The following ARID2 variants were observed in gnomAD, a reference collection of about 807,000 sequenced individuals.
ARID2 encodes AT-rich interaction domain 2, also known as AT-rich interactive domain-containing protein 2.
ARID2 carries 32 observed loss-of-function variants against 184.6 expected under a neutral mutation model. That is an observed-to-expected ratio of 0.17 (90% CI 0.13 to 0.23). The LOEUF is 0.23. ARID2 is among the 10% of genes least tolerant of loss of function. ARID2 has a pLI of 1.00. For missense variants in ARID2, 1,696 were observed against 2,197.6 expected (o/e 0.77, Z 4.56); for synonymous variants, 836 against 772.6 (o/e 1.08, Z -1.36).
intron 3 of ARID2, among the ~76,000 whole-genome samples, chr12:45,761,696 A>G (rs1353380639): frequency 6.6e-6 from 1 of 151,812 alleles, no homozygotes; most frequent in Non-Finnish European, 1.5e-5. Context: ...ACATTTAGGT[A>G]TGGACTTTTT....
rs538598413 is a variant in ARID2 at position 45,859,423 on chromosome 12, C to A, written c.4774-1378C>A. Among the ~76,000 whole-genome samples the A allele has an allele frequency of 9.2e-5, 14 of 152,234 alleles. No homozygotes were observed. The East Asian group carries it at 2.3e-3, about 25-fold the overall frequency. ...CACAGAACAATGAAATGTTCTGTGA[C>A]CCATTTCTCAAACATATTCCTGTCA... On this transcript the variant is annotated intron_variant, in intron 15 of 20. Transcript: ENST00000334344.
intron 3 of ARID2, among the ~76,000 whole-genome samples, chr12:45,805,235 A>G (rs1357750895): frequency 1.3e-5 from 2 of 152,038 alleles, no homozygotes; most frequent in Non-Finnish European, 2.9e-5. Flanking sequence ...TTTTGAAAGT[A>G]ATGATCCTGA....
chr12:45,787,620 A>G (rs536676990), intron 3 of ARID2, among the ~76,000 whole-genome samples: 303 of 152,274 alleles, frequency 2.0e-3, no homozygotes, highest in Non-Finnish European at 3.2e-3. Context: ...TAGAAAATAT[A>G]TCACTGCTAT....
chr12:45,900,343 G>A (rs1490139912), intron 20 of ARID2, among the ~76,000 whole-genome samples: 1 of 152,140 alleles, frequency 6.6e-6, no homozygotes, highest in Non-Finnish European at 1.5e-5. Context: ...TTACAGGTGT[G>A]AGCCACCATA....
At chr12:45,756,235 C>G (rs189163370) in intron 3 of ARID2, among the ~76,000 whole-genome samples, 3 of 152,150 alleles carry the variant, frequency 2.0e-5, no homozygotes, top group African/African-American at 7.2e-5. Flanking sequence ...TTGGATATTC[C>G]TGGACACACA....
chr12:45,816,109 A>G (rs1044570831), intron 4 of ARID2, among the ~76,000 whole-genome samples: 4 of 152,188 alleles, frequency 2.6e-5, no homozygotes, highest in African/African-American at 9.6e-5. Flanking sequence ...GTTATTTCTA[A>G]AAATACAACA....
chr12:45,802,449 C>T (rs544016205), intron 3 of ARID2, among the ~76,000 whole-genome samples: 12 of 151,940 alleles, frequency 7.9e-5, no homozygotes, highest in African/African-American at 2.9e-4. Context: ...TAAAAAACAC[C>T]CTTTAAAAAA....
intron 3 of ARID2, among the ~76,000 whole-genome samples, chr12:45,802,473 G>A (rs559475755): frequency 1.3e-5 from 2 of 151,954 alleles, no homozygotes; most frequent in African/African-American, 2.4e-5. Context: ...TCCATATTGC[G>A]TGAATTTCTT....
chr12:45,811,030 A>C (rs940091467), intron 3 of ARID2, among the ~76,000 whole-genome samples: 1 of 152,146 alleles, frequency 6.6e-6, no homozygotes, highest in African/African-American at 2.4e-5. Context: ...TAACACGGTG[A>C]AACCCCGTCT....
intron 3 of ARID2, among the ~76,000 whole-genome samples, chr12:45,795,886 A>G (rs924157381): frequency 6.6e-6 from 1 of 151,772 alleles, no homozygotes; most frequent in African/African-American, 2.4e-5. Context: ...CTTTTCCTAT[A>G]TAACACTACT....
At chr12:45,783,770 G>T (rs142679506) in intron 3 of ARID2, among the ~76,000 whole-genome samples, 1 of 152,322 alleles carries the variant, frequency 6.6e-6, no homozygotes, top group African/African-American at 2.4e-5. Context: ...GTTAGTACCA[G>T]TCTGTTGAAA....
intron 3 of ARID2, among the ~76,000 whole-genome samples, chr12:45,740,516 C>T (rs1485006451): frequency 3.9e-5 from 6 of 151,940 alleles, no homozygotes; most frequent in Admixed American, 3.3e-4. Context: ...TTATCACTGT[C>T]GTTTATTCAT....
intron 5 of ARID2, 36 bp downstream of exon 5, chr12:45,817,924 T>C (rs1236671877): frequency 1.3e-6 from 2 of 1,523,768 alleles, no homozygotes; most frequent in Admixed American, 2.3e-5. Context: ...ATAATTCTTC[T>C]GTAAAAGTTT....
At chr12:45,739,261 G>T (rs1346568063) in intron 3 of ARID2, among the ~76,000 whole-genome samples, 1 of 152,046 alleles carries the variant, frequency 6.6e-6, no homozygotes, top group Non-Finnish European at 1.5e-5. Flanking sequence ...TTACAGGCGT[G>T]AGCCACTGCG....
chr12:45,836,527 A>G, intron 6 of ARID2, 62 bp from the exon 7 acceptor site: 10 of 1,481,590 alleles, frequency 6.7e-6, no homozygotes, highest in Non-Finnish European at 9.1e-6. Context: ...GTGTGTGACT[A>G]TTTCTAAAGC....
At chr12:45,736,900 A>G (rs977607862) in intron 3 of ARID2, among the ~76,000 whole-genome samples, 5 of 152,226 alleles carry the variant, frequency 3.3e-5, no homozygotes, top group African/African-American at 1.2e-4. Flanking sequence ...CATAGTAAAT[A>G]GTGTTTCACC....
chr12:45,865,967 C>G (rs1396487632), intron 16 of ARID2, among the ~76,000 whole-genome samples: 3 of 151,958 alleles, frequency 2.0e-5, no homozygotes, highest in Non-Finnish European at 4.4e-5. Context: ...AATTTAAATT[C>G]CAAAAATAGC....
In ARID2 at chr12:45,852,642, A is replaced by G. The variant is rs150428204; in HGVS notation, c.4519A>G (p.Asn1507Asp). ...CCTATCATCTGACGTTCGGTCTACAAATGGCACAGCAGAATGCAAAACTGT... is the reference window on the plus strand; with the variant it reads ...CCTATCATCTGACGTTCGGTCTACAGATGGCACAGCAGAATGCAAAACTGT... ...PALSSDVRST[N>D]GTAECKTVKR... The change falls in exon 15 of 21, where the codon AAT becomes GAT. Residue 1507 changes from asparagine to aspartate, a missense_variant. Asn to Asp is a conservative substitution (Grantham distance 23). Around this residue, in one of 11 missense-constraint regions of ARID2, gnomAD observed 428 missense variants for 409.1 expected, o/e 1.05. Transcript: ENST00000334344. 46 of 1,614,204 alleles carry G rather than the reference A, an allele frequency of 2.8e-5. No individual in the cohort carries two copies. In the African/African-American group the frequency reaches 3.2e-4, roughly 11 times the overall value.
intron 3 of ARID2, among the ~76,000 whole-genome samples, chr12:45,761,403 C>CT (rs1179354717): frequency 5.3e-5 from 8 of 151,588 alleles, no homozygotes; most frequent in Admixed American, 1.3e-4. Context: ...GAAAGAAGGT[C>CT]TTTTTTTTGT....
Sources: gnomAD v4.1 joint callset for allele counts (sites outside exome capture counted in the v4.1 genomes callset) on GRCh38, gnomAD v4.1.1 for gene constraint, gnomAD v4.1.1 regional missense constraint, MANE v1.5 for transcripts, NCBI Gene and HGNC (gene_info 2026-07-23, HGNC 2026-07-21) for gene names.